Variants in ARHGAP15 observed in about 807,000 individuals in gnomAD.
ARHGAP15 encodes rho GTPase-activating protein 15.
In ARHGAP15, 51 loss-of-function variants were observed where a neutral mutation model predicts 63.7. The observed-to-expected ratio is 0.80, with a 90% CI of 0.64 to 1.01. ARHGAP15 has a LOEUF of 1.01. Among genes scored for constraint, ARHGAP15 ranks in the 50% least tolerant of loss-of-function variants. The pLI, the probability that ARHGAP15 is intolerant of heterozygous loss-of-function variation, is 0.00. For missense variants in ARHGAP15, 560 were observed against 564.6 expected, an observed-to-expected ratio of 0.99 and a Z score of 0.08; for synonymous variants, 191 against 193.8, an observed-to-expected ratio of 0.99 and a Z score of 0.12.
At chr2:143,612,445 A>G (rs1461332420) in intron 11 of ARHGAP15, among the ~76,000 whole-genome samples, 2 of 152,208 alleles carry the variant, frequency 1.3e-5, no homozygotes, top group African/African-American at 4.8e-5. Flanking sequence ...TGATGCTGAT[A>G]TAGCTGGTTC....
intron 9 of ARHGAP15, among the ~76,000 whole-genome samples, chr2:143,514,172 A>G (rs1693707558): frequency 1.3e-5 from 2 of 152,184 alleles, no homozygotes; most frequent in Admixed American, 6.5e-5. Flanking sequence ...GAGATGGTGC[A>G]TCATTACATT....
intron 2 of ARHGAP15, among the ~76,000 whole-genome samples, chr2:143,193,211 C>T (rs1307845910): frequency 6.6e-6 from 1 of 152,192 alleles, no homozygotes; most frequent in Non-Finnish European, 1.5e-5. Context: ...TGCAGGCTGC[C>T]CATCTAAACC....
chr2:143,709,279 C>A (rs1160822084), intron 13 of ARHGAP15, among the ~76,000 whole-genome samples: 1 of 152,078 alleles, frequency 6.6e-6, no homozygotes, highest in Non-Finnish European at 1.5e-5. Context: ...CTCAAAAGAA[C>A]TTTTATGTAC....
intron 12 of ARHGAP15, among the ~76,000 whole-genome samples, chr2:143,652,532 A>C (rs1167066467): frequency 6.6e-6 from 1 of 152,110 alleles, no homozygotes; most frequent in Non-Finnish European, 1.5e-5. Context: ...GGAGGAATTG[A>C]CATTTTCACA....
At chr2:143,534,934 G>A (rs1479178387) in intron 10 of ARHGAP15, among the ~76,000 whole-genome samples, 4 of 151,774 alleles carry the variant, frequency 2.6e-5, no homozygotes, top group South Asian at 2.1e-4. Context: ...AGGAACCTCA[G>A]TTTAGAGCAT....
chr2:143,334,249 C>T (rs1419234288), intron 6 of ARHGAP15, among the ~76,000 whole-genome samples: 3 of 151,964 alleles, frequency 2.0e-5, no homozygotes, highest in Non-Finnish European at 4.4e-5. Flanking sequence ...AATAAGAGTA[C>T]TTTTTTTTGT....
intron 1 of ARHGAP15, among the ~76,000 whole-genome samples, chr2:143,144,687 A>T (rs1197241418): frequency 6.6e-6 from 1 of 151,976 alleles, no homozygotes; most frequent in East Asian, 1.9e-4. Context: ...CTATTTACTT[A>T]CCTGCTTAGC....
chr2:143,163,554 G>T (rs1690382621), intron 2 of ARHGAP15, among the ~76,000 whole-genome samples: 1 of 151,840 alleles, frequency 6.6e-6, no homozygotes, highest in South Asian at 2.1e-4. Flanking sequence ...TTGCCTCAAG[G>T]TTCTTCTTCT....
At chr2:143,424,161 G>A (rs142330583) in intron 6 of ARHGAP15, among the ~76,000 whole-genome samples, 2 of 152,004 alleles carry the variant, frequency 1.3e-5, no homozygotes, top group Non-Finnish European at 2.9e-5. Flanking sequence ...TATCTCCAGG[G>A]TCTGATTCTT....
intron 12 of ARHGAP15, among the ~76,000 whole-genome samples, chr2:143,675,840 T>C: frequency 6.6e-6 from 1 of 152,228 alleles, no homozygotes; most frequent in Non-Finnish European, 1.5e-5. Flanking sequence ...CCAGCTGCAT[T>C]AACCCCTAAC....
chr2:143,320,085 G>A, intron 6 of ARHGAP15, among the ~76,000 whole-genome samples: 1 of 152,128 alleles, frequency 6.6e-6, no homozygotes. Flanking sequence ...CGTCTCCTCT[G>A]TCCTCATCTC....
chr2:143,493,182 C>T (rs1692665029), intron 9 of ARHGAP15, among the ~76,000 whole-genome samples: 1 of 152,138 alleles, frequency 6.6e-6, no homozygotes, highest in South Asian at 2.1e-4. Flanking sequence ...ATCACAACTC[C>T]CGTGACTCTC....
chr2:143,200,897 A>G (rs1304691381), intron 2 of ARHGAP15, among the ~76,000 whole-genome samples: 1 of 152,118 alleles, frequency 6.6e-6, no homozygotes, highest in Non-Finnish European at 1.5e-5. Context: ...AAATTTCAAT[A>G]TGAAATATTT....
intron 2 of ARHGAP15, among the ~76,000 whole-genome samples, chr2:143,173,627 C>A (rs354695): frequency 0.64 from 96,439 of 151,800 alleles, 31,010 homozygotes; most frequent in Non-Finnish European, 0.68. Context: ...TTAAAAAAAA[C>A]CTCTAATTTT....
intron 11 of ARHGAP15, among the ~76,000 whole-genome samples, chr2:143,600,467 C>T (rs1475189576): frequency 4.6e-5 from 7 of 152,124 alleles, no homozygotes; most frequent in Non-Finnish European, 1.5e-5. Context: ...ATTTCATCTG[C>T]ACAATATTCT....
At chr2:143,667,180 A>G (rs1426581306) in intron 12 of ARHGAP15, among the ~76,000 whole-genome samples, 2 of 149,576 alleles carry the variant, frequency 1.3e-5, no homozygotes, top group African/African-American at 4.9e-5. Context: ...CAAATGTCCA[A>G]CAATGATAGA....
At chr2:143,298,218 T>C (rs976510348) in intron 6 of ARHGAP15, among the ~76,000 whole-genome samples, 2 of 151,990 alleles carry the variant, frequency 1.3e-5, no homozygotes, top group East Asian at 3.9e-4. Flanking sequence ...ACGTATGTAT[T>C]GCTATAGAGA....
chr2:143,589,998 C>T (rs1207678748), intron 11 of ARHGAP15, among the ~76,000 whole-genome samples: 2 of 152,106 alleles, frequency 1.3e-5, no homozygotes, highest in Non-Finnish European at 2.9e-5. Context: ...AAACAGGATA[C>T]TTGACTTGCA....
intron 12 of ARHGAP15, among the ~76,000 whole-genome samples, chr2:143,631,861 G>A (rs1680048079): frequency 6.6e-6 from 1 of 151,690 alleles, no homozygotes; most frequent in African/African-American, 2.4e-5. Context: ...CCTTCACGTG[G>A]ACTAATACTA....
Sources: gnomAD v4.1 joint callset for allele counts (sites outside exome capture counted in the v4.1 genomes callset) on GRCh38, gnomAD v4.1.1 for gene constraint, MANE v1.5 for transcripts, NCBI Gene and HGNC (gene_info 2026-07-23, HGNC 2026-07-21) for gene names.